Variants in PPP1R9A observed in about 807,000 individuals in gnomAD.
PPP1R9A encodes the protein neurabin-1.
Under a neutral mutation model 141.9 loss-of-function variants are expected in PPP1R9A, and 59 were observed. That is an observed-to-expected ratio of 0.42 (90% CI 0.34 to 0.52). The LOEUF (loss-of-function observed/expected upper bound fraction) is 0.52, where lower values mean the gene tolerates loss of function less well. Among genes scored for constraint, PPP1R9A ranks in the 20% least tolerant of loss-of-function variants. The pLI, the probability that PPP1R9A is intolerant of heterozygous loss-of-function variation, is 0.10. For missense variants in PPP1R9A, 1,444 were observed against 1,611.9 expected (o/e 0.90, Z 1.78); for synonymous variants, 500 against 569.7 (o/e 0.88, Z 1.74).
intron 2 of PPP1R9A, among the ~76,000 whole-genome samples, chr7:94,916,936 C>T (rs1792145756): frequency 6.6e-6 from 1 of 151,964 alleles, no homozygotes; most frequent in Non-Finnish European, 1.5e-5. Context: ...GGCCTCAGCC[C>T]TCTGAGTAGC....
At chr7:95,160,439 G>A (rs1231542063) in intron 4 of PPP1R9A, among the ~76,000 whole-genome samples, 2 of 152,028 alleles carry the variant, frequency 1.3e-5, no homozygotes, top group Non-Finnish European at 2.9e-5. Context: ...TTTGTGATAG[G>A]AATATGTATG....
chr7:94,929,639 T>G (rs1361691431), intron 2 of PPP1R9A, among the ~76,000 whole-genome samples: 1 of 152,178 alleles, frequency 6.6e-6, no homozygotes, highest in Admixed American at 6.5e-5. Flanking sequence ...AGACTTAGTT[T>G]GCACACTTTT....
At chr7:95,085,201 A>G (rs949291407) in intron 2 of PPP1R9A, among the ~76,000 whole-genome samples, 23 of 151,872 alleles carry the variant, frequency 1.5e-4, no homozygotes, top group Non-Finnish European at 3.1e-4. Flanking sequence ...TGATGTGTTT[A>G]TATCTTAGCC....
At chr7:95,280,401 G>A (rs1803975580) in intron 16 of PPP1R9A, among the ~76,000 whole-genome samples, 1 of 152,174 alleles carries the variant, frequency 6.6e-6, no homozygotes, top group Non-Finnish European at 1.5e-5. Context: ...TGTATTCAAA[G>A]TTAGAATGAC....
At chr7:94,972,407 C>G (rs530420861) in intron 2 of PPP1R9A, among the ~76,000 whole-genome samples, 4 of 151,788 alleles carry the variant, frequency 2.6e-5, no homozygotes, top group African/African-American at 9.7e-5. Flanking sequence ...CTGTTAGGAC[C>G]AATTTTTTTT....
intron 8 of PPP1R9A, among the ~76,000 whole-genome samples, chr7:95,229,032 G>C (rs1795536732): frequency 1.3e-5 from 2 of 152,038 alleles, no homozygotes; most frequent in Admixed American, 1.3e-4. Context: ...GAGCTCAGGA[G>C]TTCAAAGTTA....
chr7:94,941,808 T>C (rs1223940096), intron 2 of PPP1R9A, among the ~76,000 whole-genome samples: 3 of 151,976 alleles, frequency 2.0e-5, no homozygotes, highest in Non-Finnish European at 2.9e-5. Flanking sequence ...AAAGTTGGAG[T>C]CCTATTTTTG....
chr7:95,165,775 T>G (rs1029094337), intron 5 of PPP1R9A, among the ~76,000 whole-genome samples: 7 of 152,104 alleles, frequency 4.6e-5, no homozygotes, highest in African/African-American at 1.7e-4. Context: ...CAAAGAGATC[T>G]TACAGTGATT....
chr7:95,257,230 T>C (rs573548809), intron 12 of PPP1R9A, among the ~76,000 whole-genome samples: 1 of 152,234 alleles, frequency 6.6e-6, no homozygotes, highest in Non-Finnish European at 1.5e-5. Context: ...CCACGTGATA[T>C]AGTCCCAGCA....
intron 16 of PPP1R9A, among the ~76,000 whole-genome samples, chr7:95,278,918 G>A (rs1173634768): frequency 1.3e-5 from 2 of 151,146 alleles, no homozygotes; most frequent in Non-Finnish European, 3.0e-5. Context: ...TGGAGACATA[G>A]ACACACACAC....
At chr7:95,204,862 G>A (rs893343801) in intron 7 of PPP1R9A, among the ~76,000 whole-genome samples, 2 of 119,164 alleles carry the variant, frequency 1.7e-5, no homozygotes, top group African/African-American at 6.6e-5. Context: ...CCACACACAC[G>A]ACAAACACCA....
intron 5 of PPP1R9A, among the ~76,000 whole-genome samples, chr7:95,174,494 T>C (rs1832612876): frequency 6.6e-6 from 1 of 152,100 alleles, no homozygotes; most frequent in Non-Finnish European, 1.5e-5. Context: ...CAACTTAAAT[T>C]TGATCAATTT....
chr7:95,176,905 T>A (rs892408642), intron 5 of PPP1R9A, among the ~76,000 whole-genome samples: 3 of 152,174 alleles, frequency 2.0e-5, no homozygotes, highest in African/African-American at 7.2e-5. Flanking sequence ...TCAGCGTTCC[T>A]GAGGAAGAAG....
intron 2 of PPP1R9A, among the ~76,000 whole-genome samples, chr7:95,056,135 G>A (rs1178370419): frequency 6.6e-6 from 1 of 151,836 alleles, no homozygotes; most frequent in East Asian, 1.9e-4. Flanking sequence ...TTGTTAAAAT[G>A]GCATGCATAT....
chr7:95,119,992 T>G (rs979917533), intron 3 of PPP1R9A, among the ~76,000 whole-genome samples: 1 of 148,128 alleles, frequency 6.8e-6, no homozygotes, highest in African/African-American at 2.5e-5. Flanking sequence ...AGTCTCGCTT[T>G]GTCACCCAGG....
At chr7:95,118,640 T>C (rs1409783406) in intron 3 of PPP1R9A, among the ~76,000 whole-genome samples, 1 of 152,044 alleles carries the variant, frequency 6.6e-6, no homozygotes, top group East Asian at 1.9e-4. Context: ...TTATAAGTAG[T>C]AATGTATGAG....
At chr7:95,157,265 C>G (rs80005836) in intron 4 of PPP1R9A, among the ~76,000 whole-genome samples, 157 of 152,238 alleles carry the variant, frequency 1.0e-3, no homozygotes, top group Admixed American at 1.2e-3. Flanking sequence ...CTCTCCCCCC[C>G]CAGAGTGCAG....
At chr7:94,946,724 A>T (rs187177964) in intron 2 of PPP1R9A, among the ~76,000 whole-genome samples, 1 of 152,138 alleles carries the variant, frequency 6.6e-6, no homozygotes, top group African/African-American at 2.4e-5. Flanking sequence ...ATGTAATTCA[A>T]ATTTACTTTC....
At chr7:95,020,802 A>G (rs1451684740) in intron 2 of PPP1R9A, among the ~76,000 whole-genome samples, 1 of 152,148 alleles carries the variant, frequency 6.6e-6, no homozygotes, top group Non-Finnish European at 1.5e-5. Flanking sequence ...TTTTCAAATA[A>G]CATGAACTCA....
Sources: gnomAD v4.1 joint callset for allele counts (sites outside exome capture counted in the v4.1 genomes callset) on GRCh38, gnomAD v4.1.1 for gene constraint, MANE v1.5 for transcripts, NCBI Gene and HGNC (gene_info 2026-07-23, HGNC 2026-07-21) for gene names.